Variants in C12orf42 observed in about 807,000 individuals in gnomAD.
C12orf42 encodes the protein uncharacterized protein C12orf42.
In C12orf42, 25 loss-of-function variants were observed where a neutral mutation model predicts 21.6. That is an observed-to-expected ratio of 1.16 (90% CI 0.84 to 1.62). The LOEUF is 1.62. Among genes scored for constraint, C12orf42 ranks in the 40% most tolerant of loss-of-function variants. The pLI, the probability that C12orf42 is intolerant of heterozygous loss-of-function variation, is 0.00. For missense variants in C12orf42, 483 were observed against 459.3 expected (o/e 1.05, Z -0.47); for synonymous variants, 174 against 175.0 (o/e 0.99, Z 0.05).
intron 3 of C12orf42, among the ~76,000 whole-genome samples, chr12:103,371,163 G>C (rs1200067272): frequency 6.6e-6 from 1 of 152,066 alleles, no homozygotes; most frequent in Non-Finnish European, 1.5e-5. Context: ...CTACTGAAAG[G>C]GTAAGGTTTT....
chr12:103,282,324 G>A lies in C12orf42; in HGVS notation n.338-5114C>T, dbSNP rs78782511. On this transcript the variant is annotated intron_variant and non_coding_transcript_variant, in intron 4 of 6. Coordinates refer to the C12orf42 transcript ENST00000546526. ...AGAAATGCCAAGAATATAGTCATGT[G>A]CTGCATAACAATATTTTGGTCAAAG... is the stretch of plus-strand genomic sequence containing the variant. 3.2e-3 allele frequency among the ~76,000 whole-genome samples: 493 copies of A among 152,312 alleles called. 4 individuals carry two copies. The highest frequency in any genetic ancestry group is 3.8e-3 in the Non-Finnish European group (261 of 68,030).
the C12orf42 span, among the ~76,000 whole-genome samples, chr12:103,221,790 C>T: frequency 6.6e-6 from 1 of 152,120 alleles, no homozygotes; most frequent in Non-Finnish European, 1.5e-5. Context: ...TTCCATTGTT[C>T]CTTGCAATGC....
At chr12:103,443,449 A>T (rs910653614) in intron 2 of C12orf42, among the ~76,000 whole-genome samples, 22 of 152,122 alleles carry the variant, frequency 1.4e-4, no homozygotes, top group Admixed American at 4.6e-4. Context: ...AGTGGGTGGC[A>T]GAGATGAGAT....
chr12:103,271,708 C>G (rs1486606528), intron 5 of C12orf42, among the ~76,000 whole-genome samples: 1 of 152,108 alleles, frequency 6.6e-6, no homozygotes, highest in Non-Finnish European at 1.5e-5. Flanking sequence ...AGGCCAAGGA[C>G]ACAGGACACT....
chr12:103,361,526 C>T (rs140477734), intron 4 of C12orf42, among the ~76,000 whole-genome samples: 1 of 152,124 alleles, frequency 6.6e-6, no homozygotes, highest in Non-Finnish European at 1.5e-5. Context: ...ATCTCCTGGC[C>T]AGAACTCAGA....
the C12orf42 span, among the ~76,000 whole-genome samples, chr12:103,179,812 G>A: frequency 0.015 from 2,243 of 152,304 alleles, 27 homozygotes; most frequent in Middle Eastern, 0.037. Flanking sequence ...ATTTGGTGGT[G>A]CAGTTGAGGA....
intron 3 of C12orf42, among the ~76,000 whole-genome samples, chr12:103,378,428 A>G (rs900906939): frequency 3.3e-5 from 5 of 152,064 alleles, no homozygotes; most frequent in African/African-American, 7.2e-5. Flanking sequence ...ACTTGTCTCT[A>G]TGATTATTCT....
chr12:103,098,129 G>A, the C12orf42 span, among the ~76,000 whole-genome samples: 7 of 152,198 alleles, frequency 4.6e-5, no homozygotes, highest in African/African-American at 1.4e-4. Flanking sequence ...ATTTCTATCT[G>A]CAACTGCCAA....
At chr12:103,324,015 C>T (rs1639003519) in intron 4 of C12orf42, among the ~76,000 whole-genome samples, 1 of 151,950 alleles carries the variant, frequency 6.6e-6, no homozygotes, top group Non-Finnish European at 1.5e-5. Context: ...ACTGATTTTC[C>T]CACATCCTCT....
the C12orf42 span, among the ~76,000 whole-genome samples, chr12:103,136,889 A>C: frequency 1.3e-5 from 2 of 152,220 alleles, no homozygotes; most frequent in Non-Finnish European, 2.9e-5. Flanking sequence ...AATGAAAGAT[A>C]GATTAAAGAC....
At chr12:103,320,467 T>C (rs1368113035) in intron 4 of C12orf42, among the ~76,000 whole-genome samples, 1 of 152,184 alleles carries the variant, frequency 6.6e-6, no homozygotes, top group Non-Finnish European at 1.5e-5. Context: ...TTGATACAGT[T>C]AGTAAAAGAG....
the C12orf42 span, among the ~76,000 whole-genome samples, chr12:103,195,665 A>G: frequency 1.3e-5 from 2 of 151,806 alleles, no homozygotes; most frequent in African/African-American, 4.8e-5. Context: ...AATATTTTTA[A>G]GTTGTTTATA....
the C12orf42 span, among the ~76,000 whole-genome samples, chr12:103,193,316 A>G: frequency 3.3e-5 from 5 of 151,788 alleles, no homozygotes; most frequent in African/African-American, 1.2e-4. Flanking sequence ...AAACAATCTC[A>G]TAGTTTACCT....
At chr12:103,202,182 C>G in the C12orf42 span, among the ~76,000 whole-genome samples, 1 of 152,212 alleles carries the variant, frequency 6.6e-6, no homozygotes, top group African/African-American at 2.4e-5. Flanking sequence ...ATCTCTAGAA[C>G]TTGCCAAGGC....
the C12orf42 span, among the ~76,000 whole-genome samples, chr12:103,076,312 A>G: frequency 1.3e-5 from 2 of 151,570 alleles, no homozygotes; most frequent in Admixed American, 1.3e-4. Context: ...TTAAATAAGT[A>G]AGGCCTTGTG....
At chr12:103,460,741 T>G (rs1233788305) in intron 2 of C12orf42, among the ~76,000 whole-genome samples, 2 of 152,196 alleles carry the variant, frequency 1.3e-5, no homozygotes, top group Non-Finnish European at 2.9e-5. Flanking sequence ...CAGATTTTAG[T>G]AAGAAATCCC....
chr12:103,082,835 A>G, the C12orf42 span, among the ~76,000 whole-genome samples: 1 of 152,374 alleles, frequency 6.6e-6, no homozygotes, highest in African/African-American at 2.4e-5. Context: ...TTTTGGCAGT[A>G]TTTGGTAACA....
intron 2 of C12orf42, among the ~76,000 whole-genome samples, chr12:103,436,242 C>A (rs1323298072): frequency 2.0e-5 from 3 of 150,370 alleles, no homozygotes; most frequent in Non-Finnish European, 3.0e-5. Context: ...AAAAGAGCTC[C>A]TGAAGGAAGC....
chr12:103,094,255 A>T, the C12orf42 span, among the ~76,000 whole-genome samples: 1 of 152,164 alleles, frequency 6.6e-6, no homozygotes. Context: ...GATTCTTTCA[A>T]GTTAGTTCCC....
Sources: gnomAD v4.1 joint callset for allele counts (sites outside exome capture counted in the v4.1 genomes callset) on GRCh38, gnomAD v4.1.1 for gene constraint, MANE v1.5 for transcripts, NCBI Gene and HGNC (gene_info 2026-07-23, HGNC 2026-07-21) for gene names.